Variants in LRSAM1 observed in about 807,000 individuals in gnomAD.
LRSAM1 encodes the protein E3 ubiquitin-protein ligase LRSAM1.
In LRSAM1, 96 loss-of-function variants were observed where a neutral mutation model predicts 118.1. The ratio of observed to expected loss-of-function variants is 0.81; its 90% CI spans 0.69 to 0.96. LRSAM1 has a LOEUF of 0.96. Among genes scored for constraint, LRSAM1 ranks in the 40% least tolerant of loss-of-function variants. The pLI, the probability that LRSAM1 is intolerant of heterozygous loss-of-function variation, is 0.00. For missense variants in LRSAM1, 804 were observed against 915.5 expected (o/e 0.88, Z 1.57); for synonymous variants, 322 against 364.2 (o/e 0.88, Z 1.32).
intron 5 of LRSAM1, among the ~76,000 whole-genome samples, chr9:127,456,354 C>T (rs2131994224): frequency 6.6e-6 from 1 of 151,796 alleles, no homozygotes; most frequent in Non-Finnish European, 1.5e-5. Context: ...CTGCCTCAGC[C>T]TCCTGAGTAG....
intron 17 of LRSAM1, 123 bp downstream of exon 17, chr9:127,485,958 T>C (rs1835714967): frequency 9.5e-6 from 8 of 839,696 alleles, no homozygotes; most frequent in Non-Finnish European, 1.6e-5. Flanking sequence ...TCTGCTCTGC[T>C]GTTAGGGGCA....
intron 7 of LRSAM1, among the ~76,000 whole-genome samples, chr9:127,460,084 C>T (rs1362916351): frequency 6.6e-6 from 1 of 151,800 alleles, no homozygotes; most frequent in Non-Finnish European, 1.5e-5. Context: ...ACTGCAATCT[C>T]CACCTCCCGG....
intron 15 of LRSAM1, among the ~76,000 whole-genome samples, chr9:127,482,524 A>G (rs1261746024): frequency 6.6e-6 from 1 of 152,174 alleles, no homozygotes; most frequent in African/African-American, 2.4e-5. Context: ...CTGCCAGTTT[A>G]CACTCCTCTC....
intron 4 of LRSAM1, among the ~76,000 whole-genome samples, 197 bp downstream of exon 4, chr9:127,455,251 A>C (rs1300079563): frequency 6.6e-6 from 1 of 150,968 alleles, no homozygotes; most frequent in Non-Finnish European, 1.5e-5. Context: ...AGTCTCCAAG[A>C]GTCAAGGAGT....
At chr9:127,495,853 C>T in intron 22 of LRSAM1, 111 bp from the exon 23 acceptor site, 1 of 1,489,468 alleles carries the variant, frequency 6.7e-7, no homozygotes, top group East Asian at 2.5e-5. Flanking sequence ...AGGAAAAATC[C>T]CGAGTACATT....
At chr9:127,475,746 T>A (rs1339047144) in intron 11 of LRSAM1, among the ~76,000 whole-genome samples, 1 of 151,544 alleles carries the variant, frequency 6.6e-6, no homozygotes, top group Non-Finnish European at 1.5e-5. Context: ...TTATTATTTT[T>A]TTATTTTTTT....
intron 15 of LRSAM1, 101 bp from the exon 16 acceptor site, chr9:127,482,849 C>T (rs1835589484): frequency 1.7e-6 from 2 of 1,161,066 alleles, no homozygotes; most frequent in Admixed American, 4.0e-5. Flanking sequence ...GTGTAGGTTG[C>T]CAAATCAAGG....
At chr9:127,481,059 C>A in intron 14 of LRSAM1, 124 bp from the exon 15 acceptor site, 2 of 951,688 alleles carry the variant, frequency 2.1e-6, no homozygotes, top group Non-Finnish European at 3.3e-6. Flanking sequence ...GAACCCAGAG[C>A]TTCAAGGTGG....
rs527739103 is a variant in LRSAM1 at position 127,491,299 on chromosome 9, T to C, written c.1503+4T>C. 1.8e-5 allele frequency: 29 copies of C among 1,612,352 alleles called. No homozygotes were observed. In the South Asian group the frequency reaches 3.1e-4, roughly 17 times the overall value. On this transcript the variant is annotated splice_donor_region_variant and intron_variant, in intron 20 of 25. Coordinates refer to ENST00000300417, the MANE Select transcript of LRSAM1 (RefSeq NM_001005373.4). ...CCTGGACACAGAGTCACTCCAGGTA[T>C]GTAGGGCTCCCTGCCCCTGCCCTCC...
intron 2 of LRSAM1, chr9:127,453,982 A>G: frequency 5.2e-6 from 1 of 193,332 alleles, no homozygotes; most frequent in Non-Finnish European, 1.1e-5. Context: ...ACTCGCTAGA[A>G]AGACACTGAC....
At chr9:127,454,863 T>A in intron 3 of LRSAM1, 135 bp from the exon 4 acceptor site, 2 of 951,608 alleles carry the variant, frequency 2.1e-6, no homozygotes, top group East Asian at 4.8e-5. Context: ...TTGGTTCACC[T>A]GCCAAATGGA....
chr9:127,477,788 C>T (rs1215446921), intron 11 of LRSAM1, among the ~76,000 whole-genome samples: 1 of 152,020 alleles, frequency 6.6e-6, no homozygotes, highest in Non-Finnish European at 1.5e-5. Flanking sequence ...TGGCTCATGC[C>T]TATAATCCCA....
intron 11 of LRSAM1, among the ~76,000 whole-genome samples, 197 bp from the exon 12 acceptor site, chr9:127,478,737 T>G (rs920674978): frequency 2.0e-5 from 3 of 152,176 alleles, no homozygotes; most frequent in African/African-American, 7.2e-5. Flanking sequence ...GGGGTTCTCA[T>G]CAGGTGTCCA....
chr9:127,456,694 C>A (rs1350695185), intron 5 of LRSAM1, among the ~76,000 whole-genome samples: 1 of 151,838 alleles, frequency 6.6e-6, no homozygotes, highest in Non-Finnish European at 1.5e-5. Flanking sequence ...GAAACCCGGT[C>A]TCTACCAAAA....
At chr9:127,463,223 T>A (rs1834814997) in intron 9 of LRSAM1, among the ~76,000 whole-genome samples, 2 of 143,464 alleles carry the variant, frequency 1.4e-5, no homozygotes, top group Admixed American at 1.4e-4. Flanking sequence ...AAAAAAAAAT[T>A]CTGAGCAGAC....
At chr9:127,460,100 A>G (rs1163648875) in intron 7 of LRSAM1, among the ~76,000 whole-genome samples, 1 of 151,990 alleles carries the variant, frequency 6.6e-6, no homozygotes, top group Non-Finnish European at 1.5e-5. Context: ...CCCGGGTTCA[A>G]GCGATTCCCC....
At position 127,452,325 on chromosome 9, in the gene LRSAM1, T is replaced by C. The variant is rs56141720; in HGVS notation, c.-33+241T>C. 9.7e-3 allele frequency: 1,480 copies of C among 152,234 alleles called. 28 individuals are homozygous for C. The highest frequency in any genetic ancestry group is 0.015 in the Non-Finnish European group (1,034 of 68,086). 9.4% of individuals were successfully genotyped at this position (152,234 alleles called of 1,614,324 possible). The stretch of plus-strand genomic sequence containing the variant: ...GTAAGTGCTGGTCATCAGGGACGGA[T>C]GGGGGAGGGCTGTTTTCAAACCATT... On this transcript the variant is annotated intron_variant, in intron 2 of 25. Transcript: ENST00000300417.
intron 11 of LRSAM1, among the ~76,000 whole-genome samples, chr9:127,478,052 C>CAAAAAA (rs368060643): frequency 6.9e-5 from 5 of 72,264 alleles, no homozygotes; most frequent in African/African-American, 1.0e-4. Flanking sequence ...AACTCCGTCT[C>CAAAAAA]AAAAAAAAAA....
In LRSAM1 at chr9:127,500,310, G is replaced by A. The variant is rs369031677; in HGVS notation, c.1913-700G>A. The stretch of plus-strand genomic sequence containing the variant: ...TGGGAGGCAGAGGTTGCAGTGAGCC[G>A]AGATCGCGCCACTGAACTCCAGCCT... On this transcript the variant is annotated intron_variant, in intron 24 of 25. Coordinates refer to ENST00000300417, the MANE Select transcript of LRSAM1 (RefSeq NM_001005373.4). 1.8e-4 allele frequency among the ~76,000 whole-genome samples: 24 copies of A among 135,842 alleles called. No individual in the cohort carries two copies. In the South Asian group the frequency reaches 4.8e-3, roughly 27 times the overall value. 89.1% of individuals were successfully genotyped at this position (135,842 alleles called of 152,430 possible).
Sources: gnomAD v4.1 joint callset for allele counts (sites outside exome capture counted in the v4.1 genomes callset) on GRCh38, gnomAD v4.1.1 for gene constraint, MANE v1.5 for transcripts, NCBI Gene and HGNC (gene_info 2026-07-23, HGNC 2026-07-21) for gene names.